The following ACOX3 variants were observed in gnomAD, a reference collection of about 807,000 sequenced individuals.
ACOX3 encodes peroxisomal acyl-coenzyme A oxidase 3.
Under a neutral mutation model 81.5 loss-of-function variants are expected in ACOX3, and 73 were observed. The observed-to-expected ratio is 0.90, with a 90% CI of 0.74 to 1.09. The LOEUF (loss-of-function observed/expected upper bound fraction) is 1.09, where lower values mean the gene tolerates loss of function less well. ACOX3 is among the 50% of genes least tolerant of loss of function. ACOX3 has a pLI of 0.00. For missense variants in ACOX3, 947 were observed against 928.0 expected, an observed-to-expected ratio of 1.02 and a Z score of -0.27; for synonymous variants, 387 against 375.1, an observed-to-expected ratio of 1.03 and a Z score of -0.37.
chr4:8,393,330 T>C (rs28547301), intron 10 of ACOX3, among the ~76,000 whole-genome samples: 2 of 85,404 alleles, frequency 2.3e-5, no homozygotes, highest in African/African-American at 6.4e-5. Context: ...TACTGAAAAA[T>C]AAAAAAAATT....
At chr4:8,417,887 A>G (rs1413389651) in intron 1 of ACOX3, among the ~76,000 whole-genome samples, 1 of 152,240 alleles carries the variant, frequency 6.6e-6, no homozygotes, top group Non-Finnish European at 1.5e-5. Context: ...CCCTAAAGAA[A>G]TAAAAAGGAT....
At position 8,368,232 on chromosome 4, in the gene ACOX3, C is replaced by T. The variant is rs374128014; in HGVS notation, c.1984-1152G>A. ...ACACCCTGCTCCTCTGGTCCTGCCC[C>T]GGGCCAGCACTCCCCTACGGGAGGT... On this transcript the variant is annotated intron_variant, in intron 17 of 17. Transcript: ENST00000356406. The surrounding 1 kb of genome is among the most constrained non-coding windows in gnomAD (Gnocchi z 5.9). 1.2e-4 allele frequency among the ~76,000 whole-genome samples: 18 copies of T among 152,336 alleles called. 1 individual carries two copies. In the East Asian group the frequency reaches 3.3e-3, roughly 28 times the overall value.
rs1404861580 is a variant in ACOX3, at chr4:8,370,037, G to C, written c.1983+871C>G. 6.6e-6 allele frequency among the ~76,000 whole-genome samples: 1 copy of C among 152,236 alleles called. No homozygotes were observed. The highest frequency in any genetic ancestry group is 2.4e-5 in the African/African-American group (1 of 41,470). On this transcript the variant is annotated intron_variant, in intron 17 of 17. Transcript: ENST00000356406. The surrounding 1 kb of genome is among the most constrained non-coding windows in gnomAD (Gnocchi z 6.3). ...CAGGTGGGAGGGAGACACAAGGTCA[G>C]TGATGAGGCCAGCAAGGGCAGCACT...
rs1444930438 is a variant in ACOX3, at chr4:8,414,411, G to A, written c.454-30C>T. 72 of 1,591,066 alleles carry A rather than the reference G, an allele frequency of 4.5e-5. No individual in the cohort carries two copies. Among genetic ancestry groups the A allele is most frequent in the Non-Finnish European group, 6.0e-5 (69 of 1,159,046 alleles). On this transcript the variant is annotated intron_variant, in intron 4 of 17. Transcript: ENST00000356406. This position sits in a 1 kb window ranked among gnomAD's most constrained non-coding sequence, Gnocchi z 6.1. Reference sequence around the variant, plus strand: ...ATGTCAAAGCACAAAATGATGGAAAGCAAGAAAAGTTCTTTGTGCACATTC... The same window carrying A: ...ATGTCAAAGCACAAAATGATGGAAAACAAGAAAAGTTCTTTGTGCACATTC...
intron 1 of ACOX3, among the ~76,000 whole-genome samples, chr4:8,424,453 C>T (rs1489300119): frequency 6.6e-6 from 1 of 152,180 alleles, no homozygotes; most frequent in East Asian, 1.9e-4. Flanking sequence ...CATGGCATAC[C>T]TGAGTAAGGA....
chr4:8,399,774 T>A lies in ACOX3; in HGVS notation c.777-122A>T. The stretch of plus-strand genomic sequence containing the variant: ...GACAAAGAAAATGGCAGAGGGCAAG[T>A]AGACAGGAACATTCAACCAACTTTC... On this transcript the variant is annotated intron_variant, in intron 7 of 17. Coordinates refer to ENST00000356406, the MANE Select transcript of ACOX3 (RefSeq NM_003501.3). This position sits in a 1 kb window ranked among gnomAD's most constrained non-coding sequence, Gnocchi z 4.9. The A allele has an allele frequency of 1.2e-6, 1 of 819,404 alleles. No individual in the cohort carries two copies. The highest frequency in any genetic ancestry group is 2.0e-6 in the Non-Finnish European group (1 of 504,688). The allele number at this position is 819,404 out of a possible 1,614,324, so 50.8% of individuals were successfully genotyped here.
chr4:8,396,812 A>C lies in ACOX3; in HGVS notation c.1056+125T>G, dbSNP rs890393809. Reference sequence around the variant, plus strand: ...CTGAGATGCCGCACTCCCGCTAACTAATCATCCTGTTAATTGCCTTAAGAG... The same window carrying C: ...CTGAGATGCCGCACTCCCGCTAACTCATCATCCTGTTAATTGCCTTAAGAG... On this transcript the variant is annotated intron_variant, in intron 9 of 17. Transcript: ENST00000356406. 1.6e-5 allele frequency: 18 copies of C among 1,154,444 alleles called. No homozygotes were observed. The African/African-American group carries it at 2.6e-4, about 17-fold the overall frequency. 71.5% of individuals were successfully genotyped at this position (1,154,444 alleles called of 1,614,324 possible).
the ACOX3 span, chr4:8,355,918 A>G: frequency 0.3 from 48,789 of 160,474 alleles, 8,539 homozygotes; most frequent in African/African-American, 0.49. Context: ...ACAGACTTCA[A>G]GCACGGGGGA....
chr4:8,405,547 G>A lies in ACOX3; in HGVS notation c.776+408C>T, dbSNP rs1320867256. 6.6e-6 allele frequency among the ~76,000 whole-genome samples: 1 copy of A among 152,242 alleles called. No homozygotes were observed. The highest frequency in any genetic ancestry group is 6.5e-5 in the Admixed American group (1 of 15,284). ...CCCGGAAAGGAGCAAGCCTACTCTG[G>A]AGGCAGAAACTGCAGATATGGGTCC... On this transcript the variant is annotated intron_variant, in intron 7 of 17. Coordinates refer to ENST00000356406, the MANE Select transcript of ACOX3 (RefSeq NM_003501.3). This position sits in a 1 kb window ranked among gnomAD's most constrained non-coding sequence, Gnocchi z 7.1.
rs551670194 is a variant in ACOX3 at position 8,368,429 on chromosome 4, T to C, written c.1984-1349A>G. The stretch of plus-strand genomic sequence containing the variant: ...CCATCTCCAGGGCCTGGGGAGGTGG[T>C]CTATTGTGTATCCAGCTTACGCTGA... On this transcript the variant is annotated intron_variant, in intron 17 of 17. Coordinates refer to ENST00000356406, the MANE Select transcript of ACOX3 (RefSeq NM_003501.3). The surrounding 1 kb of genome is among the most constrained non-coding windows in gnomAD (Gnocchi z 5.9). Among the ~76,000 whole-genome samples, 23 of 152,128 alleles carry C rather than the reference T, an allele frequency of 1.5e-4. No homozygotes were observed. The highest frequency in any genetic ancestry group is 2.6e-4 in the Non-Finnish European group (18 of 68,024).
rs1718008399 is a variant in ACOX3, at chr4:8,384,043, C to T, written c.1538-2436G>A. On this transcript the variant is annotated intron_variant, in intron 13 of 17. Transcript: ENST00000356406. This position sits in a 1 kb window ranked among gnomAD's most constrained non-coding sequence, Gnocchi z 5.3. ...CCCTCCCAGCCTGTCCTGGCCATTC[C>T]CAAACACTGCCCCAGGAGGTGTCCC... Among the ~76,000 whole-genome samples the T allele has an allele frequency of 1.1e-4, 16 of 152,204 alleles. No individual in the cohort carries two copies. The highest frequency in any genetic ancestry group is 1.0e-3 in the Admixed American group (16 of 15,272).
intron 1 of ACOX3, among the ~76,000 whole-genome samples, chr4:8,418,677 C>T (rs866715555): frequency 1.1e-4 from 17 of 151,446 alleles, no homozygotes; most frequent in Middle Eastern, 3.5e-3. Context: ...CTGGCCAACA[C>T]GGTGAAACCC....
Position 8,386,844 on chromosome 4 carries a change from G to A in ACOX3, c.1537+2329C>T, listed in dbSNP as rs769474784. Among the ~76,000 whole-genome samples the A allele has an allele frequency of 4.6e-5, 7 of 152,238 alleles. No homozygotes were observed. The highest frequency in any genetic ancestry group is 9.6e-5 in the African/African-American group (4 of 41,466). On this transcript the variant is annotated intron_variant, in intron 13 of 17. Coordinates refer to ENST00000356406, the MANE Select transcript of ACOX3 (RefSeq NM_003501.3). This position sits in a 1 kb window ranked among gnomAD's most constrained non-coding sequence, Gnocchi z 5.2. ...CACGGCTGTTGTCCTGTTCTTTGCCGTGTGAACAAGGAAGTAGCCTGTAGG... is the reference window on the plus strand; with the variant it reads ...CACGGCTGTTGTCCTGTTCTTTGCCATGTGAACAAGGAAGTAGCCTGTAGG...
At chr4:8,410,800 C>G (rs1721636032) in intron 5 of ACOX3, among the ~76,000 whole-genome samples, 1 of 152,220 alleles carries the variant, frequency 6.6e-6, no homozygotes, top group Non-Finnish European at 1.5e-5. Context: ...TGCCCCCTTG[C>G]TGTCTCTCCC....
chr4:8,397,000 G>C lies in ACOX3; in HGVS notation c.993C>G (p.Ala331=). ...LAVAIALRFS[A]TRRQFGPTEE... is the part of the protein sequence containing the mutation. The stretch of plus-strand genomic sequence containing the variant: ...CTGTGGGTCCAAACTGACGCCGAGT[G>C]GCTGAGAAGCGAAGAGCGATGGCCA... Residue 331 remains alanine (A), a synonymous_variant, in exon 9 of 18, where the codon GCC becomes GCG. Coordinates refer to ENST00000356406, the MANE Select transcript of ACOX3 (RefSeq NM_003501.3). The C allele has an allele frequency of 6.2e-7, 1 of 1,612,092 alleles. No individual in the cohort carries two copies. Among genetic ancestry groups the C allele is most frequent in the Non-Finnish European group, 8.5e-7 (1 of 1,179,200 alleles).
At chr4:8,371,695 G>A (rs1002957694) in intron 16 of ACOX3, among the ~76,000 whole-genome samples, 6 of 152,370 alleles carry the variant, frequency 3.9e-5, no homozygotes, top group Non-Finnish European at 5.9e-5. Flanking sequence ...GCGCTTCAGC[G>A]CCGCGCTCTG....
rs1720239853 is a variant in ACOX3, at chr4:8,400,342, G to A, written c.777-690C>T. On this transcript the variant is annotated intron_variant, in intron 7 of 17. Transcript: ENST00000356406. This position sits in a 1 kb window ranked among gnomAD's most constrained non-coding sequence, Gnocchi z 4.4. Reference sequence around the variant, plus strand: ...AGTACAGAACTCCAGATATTCAACAGAAAAGACGGGAACTGTGTTTCCAAA... The same window carrying A: ...AGTACAGAACTCCAGATATTCAACAAAAAAGACGGGAACTGTGTTTCCAAA... Among the ~76,000 whole-genome samples the A allele has an allele frequency of 1.3e-5, 2 of 152,036 alleles. No individual in the cohort carries two copies. Among genetic ancestry groups the A allele is most frequent in the South Asian group, 4.1e-4 (2 of 4,822 alleles).
chr4:8,382,618 A>C lies in ACOX3; in HGVS notation c.1538-1011T>G, dbSNP rs62286004. 0.01 allele frequency among the ~76,000 whole-genome samples: 1,590 copies of C among 152,274 alleles called. 15 individuals are homozygous for C. The highest frequency in any genetic ancestry group is 0.015 in the Non-Finnish European group (987 of 68,014). On this transcript the variant is annotated intron_variant, in intron 13 of 17. Coordinates refer to ENST00000356406, the MANE Select transcript of ACOX3 (RefSeq NM_003501.3). This position sits in a 1 kb window ranked among gnomAD's most constrained non-coding sequence, Gnocchi z 4.1. ...AGGCAGGAGAATGGGGATCAGCCAC[A>C]CTGAGTCTGAGCCCAAAGGCTGAAC...
intron 1 of ACOX3, among the ~76,000 whole-genome samples, chr4:8,428,009 T>C (rs1723667961): frequency 1.3e-5 from 2 of 152,238 alleles, no homozygotes; most frequent in South Asian, 2.1e-4. Flanking sequence ...CATGAGACGC[T>C]TGGAGCAGTT....
Sources: allele counts gnomAD v4.1 joint callset (sites outside exome capture counted in the v4.1 genomes callset), GRCh38; gene constraint gnomAD v4.1.1; non-coding constraint Gnocchi (gnomAD v3.1); transcripts MANE v1.5; gene names NCBI Gene and HGNC (gene_info 2026-07-23, HGNC 2026-07-21).